The following EPHA4 variants were observed in gnomAD, a reference collection of about 807,000 sequenced individuals.
The protein encoded by EPHA4 is EPH receptor A4, also known as ephrin type-A receptor 4.
EPHA4 carries 19 observed loss-of-function variants against 108.3 expected under a neutral mutation model. The ratio of observed to expected loss-of-function variants is 0.18; its 90% confidence interval spans 0.12 to 0.26. The LOEUF (loss-of-function observed/expected upper bound fraction) is 0.26, where lower values mean the gene tolerates loss of function less well. Ranked by LOEUF, EPHA4 falls within the 10% of genes least tolerant of loss-of-function variation. The pLI is 1.00. For missense variants in EPHA4, 917 were observed against 1,254.0 expected (o/e 0.73, Z 4.06); for synonymous variants, 449 against 455.5 (o/e 0.99, Z 0.18).
At position 221,461,905 on chromosome 2, in the gene EPHA4, T is replaced by G. The variant is rs754912655; in HGVS notation, c.1319-3915A>C. 6.6e-5 allele frequency among the ~76,000 whole-genome samples: 10 copies of G among 152,018 alleles called. 1 individual carries two copies. Among genetic ancestry groups the G allele is most frequent in the Non-Finnish European group, 1.2e-4 (8 of 68,002 alleles). Reference sequence around the variant, plus strand: ...TAAGTAGAGGGCACTTTCTCACACATTCTATCTGTAGACACTCAATACACC... The same window carrying G: ...TAAGTAGAGGGCACTTTCTCACACAGTCTATCTGTAGACACTCAATACACC... On this transcript the variant is annotated intron_variant, in intron 5 of 17. Coordinates refer to ENST00000281821, the MANE Select transcript of EPHA4 (RefSeq NM_004438.5).
chr2:221,504,528 A>G (rs920695400), intron 3 of EPHA4, among the ~76,000 whole-genome samples: 1 of 91,738 alleles, frequency 1.1e-5, no homozygotes, highest in African/African-American at 4.4e-5. Context: ...TACACCTACT[A>G]TTTGAAAATT....
intron 5 of EPHA4, among the ~76,000 whole-genome samples, chr2:221,476,608 A>T (rs1691658913): frequency 6.6e-6 from 1 of 152,234 alleles, no homozygotes; most frequent in African/African-American, 2.4e-5. Context: ...TTTAAACTCC[A>T]CAAAGTCTGG....
chr2:221,448,528 T>C (rs1690669091), intron 8 of EPHA4, among the ~76,000 whole-genome samples: 1 of 152,178 alleles, frequency 6.6e-6, no homozygotes. Flanking sequence ...TGAAGTCTCC[T>C]CCAATCTTCT....
chr2:221,502,763 G>A (rs61623527), intron 3 of EPHA4, among the ~76,000 whole-genome samples: 52,599 of 152,042 alleles, frequency 0.35, 10,041 homozygotes, highest in South Asian at 0.5. Context: ...CTTACTAACT[G>A]AAGTTGTTTA....
At chr2:221,466,613 A>G (rs190110003) in intron 5 of EPHA4, among the ~76,000 whole-genome samples, 19 of 152,366 alleles carry the variant, frequency 1.2e-4, no homozygotes, top group African/African-American at 4.1e-4. Context: ...CTGTAACAAC[A>G]TACACACGAA....
intron 5 of EPHA4, among the ~76,000 whole-genome samples, chr2:221,478,002 T>C (rs1215819844): frequency 2.0e-5 from 3 of 152,028 alleles, no homozygotes; most frequent in Non-Finnish European, 2.9e-5. Context: ...TAGCATCACA[T>C]GCAAAGTAAA....
chr2:221,505,328 T>G (rs1449000134), intron 3 of EPHA4, among the ~76,000 whole-genome samples: 5 of 152,064 alleles, frequency 3.3e-5, no homozygotes, highest in Non-Finnish European at 5.9e-5. Flanking sequence ...ATTTATTTAT[T>G]TATTTATTTT....
chr2:221,476,397 T>C (rs1348780547), intron 5 of EPHA4, among the ~76,000 whole-genome samples: 1 of 152,166 alleles, frequency 6.6e-6, no homozygotes, highest in East Asian at 1.9e-4. Context: ...TCCCTTGTCC[T>C]TTCTGTTTTT....
At chr2:221,483,443 T>G (rs1234756249) in intron 4 of EPHA4, among the ~76,000 whole-genome samples, 1 of 151,672 alleles carries the variant, frequency 6.6e-6, no homozygotes, top group Admixed American at 6.6e-5. Flanking sequence ...AAAATAATAT[T>G]AATAATAAAA....
At chr2:221,517,731 T>C (rs1693031810) in intron 3 of EPHA4, among the ~76,000 whole-genome samples, 1 of 152,228 alleles carries the variant, frequency 6.6e-6, no homozygotes, top group Admixed American at 6.5e-5. Context: ...AAATGAGTCA[T>C]GTCTGCATCT....
intron 4 of EPHA4, among the ~76,000 whole-genome samples, chr2:221,499,417 A>AT (rs946164037): frequency 1.3e-5 from 2 of 149,808 alleles, no homozygotes; most frequent in African/African-American, 4.9e-5. Context: ...ACGTATTAAG[A>AT]TTTTTTTCAA....
At chr2:221,555,002 T>C (rs1342522456) in intron 3 of EPHA4, among the ~76,000 whole-genome samples, 1 of 152,082 alleles carries the variant, frequency 6.6e-6, no homozygotes, top group Non-Finnish European at 1.5e-5. Context: ...CCCTCCCACC[T>C]CAGAAAGAAC....
intron 4 of EPHA4, among the ~76,000 whole-genome samples, chr2:221,492,796 G>A (rs1692186693): frequency 1.3e-5 from 2 of 152,200 alleles, no homozygotes; most frequent in Non-Finnish European, 2.9e-5. Flanking sequence ...CAGGCAGCAG[G>A]ACCATATGTT....
rs887308665 is a variant in EPHA4 at position 221,571,360 on chromosome 2, A to T, written c.91+798T>A. Reference sequence around the variant, plus strand: ...CCTCCCGACACAGACACACAGGCACATACAATCCTCCCAGCACGTCCGAAC... The same window carrying T: ...CCTCCCGACACAGACACACAGGCACTTACAATCCTCCCAGCACGTCCGAAC... On this transcript the variant is annotated intron_variant, in intron 1 of 17. Transcript: ENST00000281821. This position sits in a 1 kb window ranked among gnomAD's most constrained non-coding sequence, Gnocchi z 6.3. Among the ~76,000 whole-genome samples, 3 of 137,994 alleles carry T rather than the reference A, an allele frequency of 2.2e-5. No individual in the cohort carries two copies. The highest frequency in any genetic ancestry group is 2.5e-4 in the East Asian group (1 of 4,026). The allele number at this position is 137,994 out of a possible 152,430, so 90.5% of individuals were successfully genotyped here. A position where few individuals can be genotyped will look rare whatever the true frequency, so the allele number is the denominator to read the frequency against.
At chr2:221,445,663 C>A (rs1690573056) in intron 9 of EPHA4, among the ~76,000 whole-genome samples, 1 of 151,644 alleles carries the variant, frequency 6.6e-6, no homozygotes, top group South Asian at 2.1e-4. Context: ...CTTCTTTGAC[C>A]TCTTTGGAAC....
intron 3 of EPHA4, among the ~76,000 whole-genome samples, chr2:221,517,937 T>C (rs1251325654): frequency 6.6e-6 from 1 of 152,160 alleles, no homozygotes; most frequent in African/African-American, 2.4e-5. Flanking sequence ...CTGAGCGTGA[T>C]TCAAACCGGA....
chr2:221,427,291 G>A (rs1289193480), intron 15 of EPHA4, among the ~76,000 whole-genome samples: 4 of 152,082 alleles, frequency 2.6e-5, no homozygotes, highest in Non-Finnish European at 4.4e-5. Flanking sequence ...TCCCTTGCTG[G>A]GGTTCCTGAA....
At chr2:221,451,425 G>A (rs1690780548) in intron 8 of EPHA4, among the ~76,000 whole-genome samples, 2 of 152,134 alleles carry the variant, frequency 1.3e-5, no homozygotes, top group Admixed American at 6.5e-5. Flanking sequence ...ACTGTGAACA[G>A]TCCTTTTAAA....
chr2:221,545,389 A>C (rs958312446), intron 3 of EPHA4, among the ~76,000 whole-genome samples: 7 of 152,254 alleles, frequency 4.6e-5, no homozygotes, highest in African/African-American at 1.7e-4. Context: ...GAATGGTGTG[A>C]ACCCAGGAGG....
Sources: allele counts gnomAD v4.1 joint callset (sites outside exome capture counted in the v4.1 genomes callset), GRCh38; gene constraint gnomAD v4.1.1; non-coding constraint Gnocchi (gnomAD v3.1); transcripts MANE v1.5; gene names NCBI Gene and HGNC (gene_info 2026-07-23, HGNC 2026-07-21).